The following ZNF618 variants were observed in gnomAD, a reference collection of about 807,000 sequenced individuals.
ZNF618 encodes zinc finger protein 618.
A neutral mutation model predicts 103.0 loss-of-function variants in ZNF618; 34 were observed. The ratio of observed to expected loss-of-function variants is 0.33; its 90% CI spans 0.25 to 0.44. The LOEUF is 0.44. ZNF618 is among the 20% of genes least tolerant of loss of function. The pLI is 1.00. For synonymous variants in ZNF618, 551 were observed against 542.2 expected (o/e 1.02, Z -0.23); for missense variants, 1,059 against 1,295.4 (o/e 0.82, Z 2.80).
intron 1 of ZNF618, among the ~76,000 whole-genome samples, chr9:113,916,072 CTGTGTG>C (rs34639802): frequency 1.2e-4 from 18 of 149,908 alleles, no homozygotes; most frequent in Non-Finnish European, 2.2e-4. Flanking sequence ...GCGCGTGTGT[CTGTGTG>C]TGTGTGTGTG....
In ZNF618 at chr9:113,911,279, T is replaced by G. The variant is rs1249041956; in HGVS notation, c.33+34866T>G. 2.6e-5 allele frequency among the ~76,000 whole-genome samples: 4 copies of G among 152,226 alleles called. No homozygotes were observed. In the East Asian group the frequency reaches 7.7e-4, roughly 29 times the overall value. On this transcript the variant is annotated intron_variant, in intron 1 of 14. Coordinates refer to ENST00000374126, the MANE Select transcript of ZNF618 (RefSeq NM_001318042.2). ...AGAAAGAAAATCACCTAGAGATCCC[T>G]ACTCAGATGTTGACACTTTTGACAT...
At chr9:113,899,559 T>C (rs1830335556) in intron 1 of ZNF618, among the ~76,000 whole-genome samples, 1 of 152,172 alleles carries the variant, frequency 6.6e-6, no homozygotes, top group Admixed American at 6.5e-5. Context: ...CTTAGGAGAA[T>C]CTAATGCCTG....
At chr9:113,995,654 A>C (rs1210830701) in intron 3 of ZNF618, among the ~76,000 whole-genome samples, 1 of 152,198 alleles carries the variant, frequency 6.6e-6, no homozygotes, top group Non-Finnish European at 1.5e-5. Flanking sequence ...GTCTATCATC[A>C]GATGATATTT....
chr9:113,955,965 T>A (rs1836244502), intron 1 of ZNF618, among the ~76,000 whole-genome samples: 1 of 151,956 alleles, frequency 6.6e-6, no homozygotes, highest in South Asian at 2.1e-4. Context: ...ATCCCAGCAC[T>A]TTGGGAGGCC....
At chr9:113,976,272 A>T (rs1838459880) in intron 2 of ZNF618, among the ~76,000 whole-genome samples, 1 of 152,178 alleles carries the variant, frequency 6.6e-6, no homozygotes, top group Non-Finnish European at 1.5e-5. Flanking sequence ...CATGCCCCCC[A>T]CATGTGCTTC....
chr9:114,011,452 C>G (rs1842234377), intron 9 of ZNF618, among the ~76,000 whole-genome samples: 2 of 152,156 alleles, frequency 1.3e-5, no homozygotes, highest in Non-Finnish European at 1.5e-5. Flanking sequence ...GAATATCAGA[C>G]TGGGTCTGGC....
At chr9:114,033,213 C>T (rs1030763128) in intron 12 of ZNF618, among the ~76,000 whole-genome samples, 1 of 152,146 alleles carries the variant, frequency 6.6e-6, no homozygotes. Context: ...AGTTCGAGAC[C>T]AACCTGGCCA....
chr9:113,922,780 T>A (rs767974794), intron 1 of ZNF618, among the ~76,000 whole-genome samples: 7 of 152,212 alleles, frequency 4.6e-5, no homozygotes, highest in Non-Finnish European at 8.8e-5. Context: ...TATTGGCTAT[T>A]CTGGGTCTTT....
chr9:113,969,528 A>AT (rs1286563477), intron 2 of ZNF618, among the ~76,000 whole-genome samples: 2 of 152,134 alleles, frequency 1.3e-5, no homozygotes, highest in Non-Finnish European at 2.9e-5. Flanking sequence ...CCATTGGCCT[A>AT]TGTGCTAGTG....
At chr9:113,990,029 C>A (rs753991403) in intron 3 of ZNF618, among the ~76,000 whole-genome samples, 27 of 152,270 alleles carry the variant, frequency 1.8e-4, no homozygotes, top group Non-Finnish European at 4.0e-4. Context: ...AGCCCCATTT[C>A]TTGCTTCTGG....
chr9:114,047,783 A>G, intron 13 of ZNF618, 110 bp from the exon 14 acceptor site: 1 of 839,874 alleles, frequency 1.2e-6, no homozygotes, highest in Non-Finnish European at 1.9e-6. Context: ...CCCAGGCCTG[A>G]GTCCCAATGG....
intron 2 of ZNF618, among the ~76,000 whole-genome samples, chr9:113,973,368 C>T (rs879572794): frequency 3.3e-5 from 5 of 152,174 alleles, no homozygotes; most frequent in Admixed American, 2.0e-4. Context: ...TTCATCCCAG[C>T]GCCTTCCTCT....
intron 1 of ZNF618, among the ~76,000 whole-genome samples, chr9:113,934,204 G>T (rs544111364): frequency 6.6e-6 from 1 of 152,310 alleles, no homozygotes; most frequent in East Asian, 1.9e-4. Flanking sequence ...CCACTAGGCT[G>T]GTGGGAGGGG....
At chr9:113,920,989 T>C (rs985714117) in intron 1 of ZNF618, among the ~76,000 whole-genome samples, 1 of 152,224 alleles carries the variant, frequency 6.6e-6, no homozygotes, top group African/African-American at 2.4e-5. Flanking sequence ...GTGTTTCCCT[T>C]GCTAGCATGC....
chr9:114,050,238 C>T lies in ZNF618; in HGVS notation c.*71C>T. On this transcript the variant is annotated 3_prime_UTR_variant, in exon 15 of 15. Transcript: ENST00000374126. ...AGAAAAAAACCACACAACACTGTCACAAAGAAAAGGAATTTAAGTTCTAAA... is the reference window on the plus strand; with the variant it reads ...AGAAAAAAACCACACAACACTGTCATAAAGAAAAGGAATTTAAGTTCTAAA... 6.8e-7 allele frequency: 1 copy of T among 1,475,708 alleles called. No individual in the cohort carries two copies. The highest frequency in any genetic ancestry group is 1.9e-4 in the Middle Eastern group (1 of 5,270). 91.4% of individuals were successfully genotyped at this position (1,475,708 alleles called of 1,614,324 possible). A position where few individuals can be genotyped will look rare whatever the true frequency, so the allele number is the denominator to read the frequency against.
chr9:113,905,661 T>C (rs1312294265), intron 1 of ZNF618, among the ~76,000 whole-genome samples: 1 of 152,246 alleles, frequency 6.6e-6, no homozygotes, highest in Non-Finnish European at 1.5e-5. Flanking sequence ...TGAGAATGGT[T>C]CTGCTTGGTT....
In ZNF618 at chr9:113,876,391, C is replaced by G. The variant is rs1024304147; in HGVS notation, c.11C>G (p.Pro4Arg). The change falls in exon 1 of 15, where the codon CCG (proline) becomes CGG (arginine). Residue 4 changes from proline to arginine, a missense_variant. Pro to Arg is a moderately radical substitution (Grantham distance 103, BLOSUM62 -2). This residue lies in a region of ZNF618 where 194 missense variants were observed against 209.0 expected (regional missense o/e 0.93). Coordinates refer to ENST00000374126, the MANE Select transcript of ZNF618 (RefSeq NM_001318042.2). Reference sequence around the variant, plus strand: ...CTCCCGCACGGACCCATGAACCAGCCGGGCGGCGCGGCGGCTCCGCAGGTA... The same window carrying G: ...CTCCCGCACGGACCCATGAACCAGCGGGGCGGCGCGGCGGCTCCGCAGGTA... MNQ[P>R]GGAAAPQADG... 7 of 1,197,104 alleles carry G rather than the reference C, an allele frequency of 5.8e-6. No homozygotes were observed. Among genetic ancestry groups the G allele is most frequent in the Middle Eastern group, 3.3e-4 (1 of 3,012 alleles). The allele number at this position is 1,197,104 out of a possible 1,614,324, so 74.2% of individuals were successfully genotyped here. A position where few individuals can be genotyped will look rare whatever the true frequency, so the allele number is the denominator to read the frequency against.
intron 2 of ZNF618, among the ~76,000 whole-genome samples, chr9:113,980,049 T>G (rs1461467118): frequency 6.6e-6 from 1 of 152,104 alleles, no homozygotes; most frequent in Non-Finnish European, 1.5e-5. Context: ...GGACATACTT[T>G]GAAGGCGGAT....
chr9:113,918,617 G>A (rs1437721451), intron 1 of ZNF618, among the ~76,000 whole-genome samples: 1 of 152,030 alleles, frequency 6.6e-6, no homozygotes. Context: ...ACTGCTGGAT[G>A]TCTATTTTAT....
Sources: allele counts gnomAD v4.1 joint callset (sites outside exome capture counted in the v4.1 genomes callset), GRCh38; gene constraint gnomAD v4.1.1; regional missense constraint gnomAD v4.1.1; transcripts MANE v1.5; gene names NCBI Gene and HGNC (gene_info 2026-07-23, HGNC 2026-07-21).